LARP1: variants seen among roughly 807,000 people sequenced by gnomAD.
LARP1 encodes the protein La ribonucleoprotein 1, translational regulator.
Under a neutral mutation model 122.7 loss-of-function variants are expected in LARP1, and 36 were observed. The ratio of observed to expected loss-of-function variants is 0.29; its 90% CI spans 0.22 to 0.39. The LOEUF (loss-of-function observed/expected upper bound fraction) is 0.39. LARP1 is among the 10% of genes least tolerant of loss of function. The probability of loss-of-function intolerance (pLI) is 1.00; values close to 1 mark genes in which losing one functional copy is unlikely to be tolerated. For missense variants in LARP1, 1,040 were observed against 1,403.6 expected (o/e 0.74, Z 4.14); for synonymous variants, 539 against 528.7 (o/e 1.02, Z -0.27).
Position 154,763,182 on chromosome 5 carries a change from T to C in LARP1, c.436+6989T>C, listed in dbSNP as rs951879310. 3.3e-5 allele frequency among the ~76,000 whole-genome samples: 5 copies of C among 150,522 alleles called. 1 individual carries two copies. In the Admixed American group the frequency reaches 3.3e-4, roughly 10 times the overall value. On this transcript the variant is annotated intron_variant, in intron 1 of 18. Transcript: ENST00000518297. ...TTCAAGCGATTCTCCTGCCTCAGCC[T>C]CCCAAGTAGCTGGGATTACAGCCAT...
upstream of LARP1, among the ~76,000 whole-genome samples, chr5:154,755,240 C>G (rs1342243452): frequency 1.1e-4 from 6 of 55,738 alleles, no homozygotes; most frequent in East Asian, 2.3e-3. Context: ...GCCCGCCCGT[C>G]GCCCAGGGCC....
At chr5:154,700,494 T>G (rs1754659764) in intron 1 of LARP1, among the ~76,000 whole-genome samples, 1 of 151,792 alleles carries the variant, frequency 6.6e-6, no homozygotes, top group Non-Finnish European at 1.5e-5. Context: ...ATCGTGCTAC[T>G]GCACTCCAGC....
At chr5:154,713,046 T>G (rs751727152) in exon 1 of LARP1, 1 of 1,614,170 alleles carries the variant, frequency 6.2e-7, no homozygotes, top group South Asian at 1.1e-5. Flanking sequence ...CAGCGTGGCC[T>G]TGGCAGCTGC....
chr5:154,709,996 C>T (rs1755137331), upstream of LARP1, among the ~76,000 whole-genome samples: 1 of 152,172 alleles, frequency 6.6e-6, no homozygotes, highest in African/African-American at 2.4e-5. Context: ...ACCTAGATCC[C>T]TGCCATATGC....
chr5:154,808,753 T>A, intron 16 of LARP1, 150 bp downstream of exon 16: 2 of 742,076 alleles, frequency 2.7e-6, no homozygotes, highest in Non-Finnish European at 4.2e-6. Context: ...AAATGAGCAG[T>A]ATATTCACAT....
In LARP1 at chr5:154,816,274, C is replaced by CCT. The variant is rs2113090732; in HGVS notation, c.*2178_*2179insCT. ...CCTGGACCCCCTTCTCCTTTCCTTT[C>CCT]TTTCCTTCAGGTCACGCAGCCCTGT... is the stretch of plus-strand genomic sequence containing the variant. On this transcript the variant is annotated 3_prime_UTR_variant, in exon 19 of 19. Coordinates refer to ENST00000518297, the MANE Select transcript of LARP1 (RefSeq NM_033551.3). The CCT allele has an allele frequency of 6.5e-6, 1 of 153,476 alleles. No individual in the cohort carries two copies. The highest frequency in any genetic ancestry group is 2.1e-4 in the South Asian group (1 of 4,836). The allele number at this position is 153,476 out of a possible 1,614,324, so 9.5% of individuals were successfully genotyped here.
At chr5:154,773,264 C>T (rs1755592171) in intron 1 of LARP1, among the ~76,000 whole-genome samples, 1 of 152,026 alleles carries the variant, frequency 6.6e-6, no homozygotes, top group Admixed American at 6.6e-5. Context: ...GGGCAGGGAT[C>T]CACTGTATTG....
chr5:154,719,861 C>CAAAAA (rs11291255), intron 1 of LARP1, among the ~76,000 whole-genome samples: 1 of 122,140 alleles, frequency 8.2e-6, no homozygotes. Context: ...GACTCTGTCT[C>CAAAAA]AAAAAAAAAA....
intron 1 of LARP1, chr5:154,685,673 T>C (rs1753898476): frequency 2.7e-6 from 1 of 375,388 alleles, no homozygotes. Context: ...GATGCCTTTG[T>C]GCAGATTAGA....
intron 1 of LARP1, among the ~76,000 whole-genome samples, chr5:154,704,006 G>A (rs931994546): frequency 3.3e-5 from 5 of 152,140 alleles, no homozygotes; most frequent in African/African-American, 1.2e-4. Flanking sequence ...AAGCACTGGG[G>A]ATACAACAGT....
chr5:154,702,845 C>T (rs1754778823), intron 1 of LARP1, among the ~76,000 whole-genome samples: 3 of 151,652 alleles, frequency 2.0e-5, no homozygotes, highest in South Asian at 4.2e-4. Flanking sequence ...TTGTGCTGGG[C>T]GAGATGGCTC....
At chr5:154,726,820 C>T (rs1417315587) in intron 1 of LARP1, among the ~76,000 whole-genome samples, 3 of 152,174 alleles carry the variant, frequency 2.0e-5, no homozygotes, top group Admixed American at 1.3e-4. Flanking sequence ...AGGAAACTTG[C>T]AATCATGGCA....
chr5:154,698,026 G>GT lies in LARP1; in HGVS notation c.-180+15000dup, dbSNP rs796212696. On this transcript the variant is annotated intron_variant, in intron 1 of 18. Coordinates refer to the LARP1 transcript ENST00000687700. ...TTTTCAGTTGAAATGAGGTTGGGTG[G>GT]TTTTTTTTTTTAAATTACAAAATAC... Among the ~76,000 whole-genome samples the GT allele has an allele frequency of 1.5e-3, 218 of 147,094 alleles. 1 individual carries two copies. The highest frequency in any genetic ancestry group is 7.0e-3 in the Middle Eastern group (2 of 286).
At chr5:154,731,782 C>A (rs1372568292) in intron 1 of LARP1, among the ~76,000 whole-genome samples, 2 of 152,130 alleles carry the variant, frequency 1.3e-5, no homozygotes, top group Non-Finnish European at 2.9e-5. Flanking sequence ...GTAATCCCAG[C>A]ACTTTGGGAG....
intron 1 of LARP1, among the ~76,000 whole-genome samples, chr5:154,780,307 G>C (rs1756317114): frequency 6.6e-6 from 1 of 152,164 alleles, no homozygotes; most frequent in African/African-American, 2.4e-5. Flanking sequence ...TTGGAAATGG[G>C]GCCCCTCTCA....
chr5:154,799,527 A>G, intron 8 of LARP1, 64 bp from the exon 9 acceptor site: 2 of 1,573,096 alleles, frequency 1.3e-6, no homozygotes, highest in East Asian at 4.5e-5. Context: ...GTTGTCTACC[A>G]TTTCCAAGAT....
intron 1 of LARP1, among the ~76,000 whole-genome samples, chr5:154,744,504 A>C (rs938287619): frequency 2.6e-5 from 4 of 152,186 alleles, no homozygotes; most frequent in Non-Finnish European, 4.4e-5. Context: ...TTCAATTTAA[A>C]AAATACTGTG....
chr5:154,775,924 C>T (rs1276383215), intron 1 of LARP1, among the ~76,000 whole-genome samples: 2 of 152,218 alleles, frequency 1.3e-5, no homozygotes, highest in African/African-American at 4.8e-5. Context: ...GACTAAAAAA[C>T]TTAAATGCAC....
chr5:154,725,818 C>G (rs1429615705), intron 1 of LARP1, among the ~76,000 whole-genome samples: 1 of 151,906 alleles, frequency 6.6e-6, no homozygotes, highest in Non-Finnish European at 1.5e-5. Context: ...AAGGAGTGTC[C>G]CTAATAAATA....
Sources: allele counts gnomAD v4.1 joint callset (sites outside exome capture counted in the v4.1 genomes callset), GRCh38; gene constraint gnomAD v4.1.1; transcripts MANE v1.5; gene names NCBI Gene and HGNC (gene_info 2026-07-23, HGNC 2026-07-21).